Variants in ZNF263 observed in about 807,000 individuals in gnomAD.
ZNF263 encodes the protein zinc finger protein 263.
Under a neutral mutation model 63.1 loss-of-function variants are expected in ZNF263, and 49 were observed. The observed-to-expected ratio is 0.78, with a 90% CI of 0.62 to 0.99. ZNF263 has a LOEUF of 0.99. Ranked by LOEUF, ZNF263 falls within the 50% of genes least tolerant of loss-of-function variation. ZNF263 has a pLI of 0.00. For synonymous variants in ZNF263, 352 were observed against 324.2 expected, an observed-to-expected ratio of 1.09 and a Z score of -0.92; for missense variants, 872 against 854.8, an observed-to-expected ratio of 1.02 and a Z score of -0.25.
In ZNF263 at chr16:3,289,457, G is replaced by A; in HGVS notation, c.951G>A (p.Gln317=). The A allele has an allele frequency of 6.5e-7, 1 of 1,530,870 alleles. No individual in the cohort carries two copies. The highest frequency in any genetic ancestry group is 8.8e-7 in the Non-Finnish European group (1 of 1,142,570). The allele number at this position is 1,530,870 out of a possible 1,614,324, so 94.8% of individuals were successfully genotyped here. A position where few individuals can be genotyped will look rare whatever the true frequency, so the allele number is the denominator to read the frequency against. Residue 317 remains glutamine (Q), a synonymous_variant, in exon 6 of 6, where the codon CAG becomes CAA. Coordinates refer to ENST00000219069, the MANE Select transcript of ZNF263 (RefSeq NM_005741.5). ...PSVCSENIHP[Q]VLLPDQARGE... ...TATGCTCTGAGAACATCCACCCTCA[G>A]GTGCTGCTTCCTGACCAGGCCCGAG...
rs748365231 is a variant in ZNF263, at chr16:3,283,991, C to T, written c.173C>T (p.Ala58Val). The T allele has an allele frequency of 3.1e-6, 5 of 1,613,890 alleles. No homozygotes were observed. The highest frequency in any genetic ancestry group is 1.7e-5 in the Admixed American group (1 of 60,014). The change falls in exon 1 of 6, where the codon GCC (alanine) becomes GTC (valine). Residue 58 changes from alanine to valine, a missense_variant. Physicochemically the swap from Ala to Val is moderately conservative, Grantham distance 64 (BLOSUM62 0). Transcript: ENST00000219069. Reference sequence around the variant, plus strand: ...CAAGAGGCAGCTGGTCCCCGGGAAGCCCTCAGCCGGCTCCAAGAGCTTTGC... The same window carrying T: ...CAAGAGGCAGCTGGTCCCCGGGAAGTCCTCAGCCGGCTCCAAGAGCTTTGC... Reference protein sequence around the residue: ...RFQEAAGPREALSRLQELCHG... With the variant: ...RFQEAAGPREVLSRLQELCHG...
chr16:3,294,856 C>A (rs543598664), downstream of ZNF263, among the ~76,000 whole-genome samples: 1 of 152,306 alleles, frequency 6.6e-6, no homozygotes, highest in East Asian at 1.9e-4. Flanking sequence ...TTTCTCCAGG[C>A]AGCGAGAACG....
At chr16:3,294,676 A>G (rs1959699146), downstream of ZNF263, among the ~76,000 whole-genome samples, 1 of 152,120 alleles carries the variant, frequency 6.6e-6, no homozygotes, top group Non-Finnish European at 1.5e-5. Context: ...TAAGTTCAAC[A>G]ACGACAAAAT....
At chr16:3,286,369 G>T (rs947337140) in intron 4 of ZNF263, 1 of 535,506 alleles carries the variant, frequency 1.9e-6, no homozygotes, top group Non-Finnish European at 3.0e-6. Context: ...CAGAGCCTAA[G>T]GCGAGTCTGA....
chr16:3,289,019 C>T (rs1229982672), intron 5 of ZNF263, among the ~76,000 whole-genome samples: 2 of 152,136 alleles, frequency 1.3e-5, no homozygotes, highest in Non-Finnish European at 2.9e-5. Flanking sequence ...TCCTTTGACC[C>T]TGCCATTCTC....
chr16:3,296,352 G>C (rs1347294935), downstream of ZNF263, among the ~76,000 whole-genome samples: 1 of 152,020 alleles, frequency 6.6e-6, no homozygotes, highest in Non-Finnish European at 1.5e-5. Context: ...AAACTAAAAG[G>C]AACTAGAGAG....
At chr16:3,291,882 TATTG>T (rs1364940640), downstream of ZNF263, among the ~76,000 whole-genome samples, 1 of 152,162 alleles carries the variant, frequency 6.6e-6, no homozygotes, top group Non-Finnish European at 1.5e-5. Flanking sequence ...ATAACTGAGT[TATTG>T]ATTATTAATG....
rs1959586426 is a variant in ZNF263 at position 3,290,796 on chromosome 16, T to TCA, written c.*238_*239insCA. The TCA allele has an allele frequency of 7.6e-6, 10 of 1,314,056 alleles. No homozygotes were observed. Among genetic ancestry groups the TCA allele is most frequent in the Non-Finnish European group, 8.7e-6 (9 of 1,032,456 alleles). 81.4% of individuals were successfully genotyped at this position (1,314,056 alleles called of 1,614,324 possible). A position where few individuals can be genotyped will look rare whatever the true frequency, so the allele number is the denominator to read the frequency against. ...GTGACCTCAGGGTGGAATTCTCTGT[T>TCA]AAGTCCACCCTGCCCCAGGGTGCTC... On this transcript the variant is annotated 3_prime_UTR_variant, in exon 6 of 6. Coordinates refer to ENST00000219069, the MANE Select transcript of ZNF263 (RefSeq NM_005741.5).
Position 3,283,813 on chromosome 16 carries a change from C to T in ZNF263, c.-6C>T. 6.4e-7 allele frequency: 1 copy of T among 1,557,864 alleles called. No homozygotes were observed. Among genetic ancestry groups the T allele is most frequent in the South Asian group, 1.2e-5 (1 of 85,534 alleles). Reference sequence around the variant, plus strand: ...TTTCGGGCTAAGGCGCTCTGGAGACCTGACGATGGCGTCGGGCCCGGGCTC... The same window carrying T: ...TTTCGGGCTAAGGCGCTCTGGAGACTTGACGATGGCGTCGGGCCCGGGCTC... On this transcript the variant is annotated 5_prime_UTR_variant, in exon 1 of 6. Transcript: ENST00000219069.
At position 3,289,642 on chromosome 16, in the gene ZNF263, T is replaced by C; in HGVS notation, c.1136T>C (p.Leu379Ser). The C allele has an allele frequency of 1.2e-6, 2 of 1,614,216 alleles. No homozygotes were observed. Among genetic ancestry groups the C allele is most frequent in the Non-Finnish European group, 1.7e-6 (2 of 1,180,042 alleles). The change falls in exon 6 of 6, where the codon TTA (leucine) becomes TCA (serine). Residue 379 changes from leucine to serine, a missense_variant. Physicochemically the swap from Leu to Ser is moderately radical, Grantham distance 145 (BLOSUM62 -2). Coordinates refer to ENST00000219069, the MANE Select transcript of ZNF263 (RefSeq NM_005741.5). Reference protein sequence around the residue: ...PKELQPKKLHLCPLCGKNFSN... With the variant: ...PKELQPKKLHSCPLCGKNFSN... ...GAACTGCAGCCAAAGAAACTCCATT[T>C]ATGTCCCTTGTGTGGCAAAAATTTC...
downstream of ZNF263, among the ~76,000 whole-genome samples, chr16:3,296,338 A>G (rs1181017224): frequency 6.6e-6 from 1 of 152,124 alleles, no homozygotes; most frequent in African/African-American, 2.4e-5. Context: ...TGATGCAAAG[A>G]CCCAAACTAA....
intron 2 of ZNF263, chr16:3,299,792 G>A (rs150368295): frequency 5.4e-5 from 85 of 1,577,372 alleles, no homozygotes; most frequent in Non-Finnish European, 6.9e-5. Flanking sequence ...TGAAAATGTC[G>A]GACCTCAGGA....
chr16:3,292,628 C>A (rs1959641158), downstream of ZNF263, among the ~76,000 whole-genome samples: 1 of 152,180 alleles, frequency 6.6e-6, no homozygotes, highest in African/African-American at 2.4e-5. Flanking sequence ...GGAAAGCGCC[C>A]CTTCCATCTA....
At chr16:3,298,171 G>A (rs220377) in intron 1 of ZNF263, among the ~76,000 whole-genome samples, 4 of 152,236 alleles carry the variant, frequency 2.6e-5, no homozygotes, top group African/African-American at 7.2e-5. Flanking sequence ...AAATAGTGCC[G>A]TATGATGGTT....
At chr16:3,287,546 G>A (rs1277082687) in intron 4 of ZNF263, among the ~76,000 whole-genome samples, 2 of 151,216 alleles carry the variant, frequency 1.3e-5, no homozygotes, top group Non-Finnish European at 2.9e-5. Flanking sequence ...TTTCACTGCT[G>A]TGATGTCCAA....
Position 3,290,460 on chromosome 16 carries a change from AC to A in ZNF263, c.1955del (p.Thr652SerfsTer24), listed in dbSNP as rs768139506. 1.2e-6 allele frequency: 2 copies of A among 1,614,208 alleles called. No homozygotes were observed. The highest frequency in any genetic ancestry group is 2.2e-5 in the South Asian group (2 of 91,086). On this transcript the variant is annotated frameshift_variant, in exon 6 of 6. Transcript: ENST00000219069. LOFTEE classifies it high-confidence loss of function. Reference protein sequence around the residue: ...HSSNRIRHLRTHTGERPYKCS... With the variant: ...HSSNRIRHLRXHTGERPYKCS... ...CTCCAATCGGATTCGCCACCTGAGA[AC>A]GCATACGGGAGAGAGACCCTATAAA...
In ZNF263 at chr16:3,288,458, T is replaced by C; in HGVS notation, c.774T>C (p.Ser258=). The C allele has an allele frequency of 6.2e-7, 1 of 1,610,120 alleles. No homozygotes were observed. The highest frequency in any genetic ancestry group is 1.1e-5 in the South Asian group (1 of 91,012). The part of the protein sequence containing the change: ...ESYENVDSLE[S]HIPSQEVPGT... Reference sequence around the variant, plus strand: ...TGTTTCTTTCATTGTGAACAGAGTCTCACATTCCCAGTCAGGAGGTCCCAG... The same window carrying C: ...TGTTTCTTTCATTGTGAACAGAGTCCCACATTCCCAGTCAGGAGGTCCCAG... The change falls in exon 5 of 6, where the codon TCT becomes TCC. Residue 258 remains serine (S), a synonymous_variant. Coordinates refer to ENST00000219069, the MANE Select transcript of ZNF263 (RefSeq NM_005741.5).
Position 3,291,021 on chromosome 16 carries a change from A to T in ZNF263, c.*463A>T, listed in dbSNP as rs899738960. 2 of 997,434 alleles carry T rather than the reference A, an allele frequency of 2.0e-6. No individual in the cohort carries two copies. The highest frequency in any genetic ancestry group is 1.1e-4 in the Admixed American group (2 of 18,996). The allele number at this position is 997,434 out of a possible 1,614,324, so 61.8% of individuals were successfully genotyped here. On this transcript the variant is annotated 3_prime_UTR_variant, in exon 6 of 6. Transcript: ENST00000219069. Reference sequence around the variant, plus strand: ...ACCCTGGGAAATCAGCTGAAGGTCAACAAAAGACTGGTTGTGAGTTGCAGC... The same window carrying T: ...ACCCTGGGAAATCAGCTGAAGGTCATCAAAAGACTGGTTGTGAGTTGCAGC...
chr16:3,289,296 C>T (rs560878336), intron 5 of ZNF263, 97 bp from the exon 6 acceptor site: 6 of 1,327,416 alleles, frequency 4.5e-6, no homozygotes, highest in African/African-American at 1.5e-5. Context: ...AGCAGCCCTT[C>T]TGGGCTGCTG....
Sources: gnomAD v4.1 joint callset for allele counts (sites outside exome capture counted in the v4.1 genomes callset) on GRCh38, gnomAD v4.1.1 for gene constraint, MANE v1.5 for transcripts, NCBI Gene and HGNC (gene_info 2026-07-23, HGNC 2026-07-21) for gene names.